DLG2: variants seen among roughly 807,000 people sequenced by gnomAD.
DLG2 encodes discs large MAGUK scaffold protein 2.
In DLG2, 45 loss-of-function variants were observed where a neutral mutation model predicts 132.5. That is an observed-to-expected ratio of 0.34 (90% CI 0.27 to 0.44). The LOEUF (loss-of-function observed/expected upper bound fraction) is 0.44, where lower values mean the gene tolerates loss of function less well. Among genes scored for constraint, DLG2 ranks in the 20% least tolerant of loss-of-function variants. DLG2 has a pLI of 1.00. For synonymous variants in DLG2, 424 were observed against 419.6 expected (o/e 1.01, Z -0.13); for missense variants, 1,045 against 1,196.9 (o/e 0.87, Z 1.87).
chr11:85,326,421 C>A (rs999116794), intron 3 of DLG2, among the ~76,000 whole-genome samples: 1 of 115,780 alleles, frequency 8.6e-6, no homozygotes, highest in Non-Finnish European at 1.8e-5. Context: ...AACAGCGGAT[C>A]TCTCGGCAGA....
intron 6 of DLG2, among the ~76,000 whole-genome samples, chr11:84,564,753 T>G (rs1260144495): frequency 1.3e-5 from 2 of 152,170 alleles, no homozygotes; most frequent in Non-Finnish European, 2.9e-5. Context: ...ATTCAGTGAT[T>G]TTCTCAAAAA....
intron 16 of DLG2, among the ~76,000 whole-genome samples, chr11:83,843,375 C>T (rs1263518165): frequency 1.3e-5 from 2 of 152,196 alleles, no homozygotes; most frequent in Admixed American, 6.5e-5. Flanking sequence ...CCCCTCTACC[C>T]TCACCTCCAG....
chr11:84,349,687 C>G (rs1452260734), intron 7 of DLG2, among the ~76,000 whole-genome samples: 1 of 152,096 alleles, frequency 6.6e-6, no homozygotes, highest in African/African-American at 2.4e-5. Context: ...TCTGAACAGT[C>G]TTAACTAACA....
chr11:84,562,749 C>CTT (rs1307584790), intron 6 of DLG2, among the ~76,000 whole-genome samples: 1 of 144,012 alleles, frequency 6.9e-6, no homozygotes, highest in African/African-American at 2.5e-5. Flanking sequence ...TTCTTTCTTT[C>CTT]TTTTTTTTTT....
intron 16 of DLG2, 139 bp from the exon 17 acceptor site, chr11:83,833,909 T>A (rs368195703): frequency 3.5e-6 from 3 of 866,676 alleles, no homozygotes. Flanking sequence ...CATTTGCACA[T>A]CAAGAAAGAG....
intron 6 of DLG2, among the ~76,000 whole-genome samples, chr11:84,659,665 T>G (rs1199333921): frequency 2.6e-5 from 4 of 152,154 alleles, no homozygotes; most frequent in Non-Finnish European, 5.9e-5. Context: ...ATTTGGATGT[T>G]GATTTTCAAT....
chr11:84,006,744 T>G (rs2094591030), intron 11 of DLG2, among the ~76,000 whole-genome samples: 1 of 151,548 alleles, frequency 6.6e-6, no homozygotes, highest in African/African-American at 2.4e-5. Flanking sequence ...CATTTATTCC[T>G]TCTCAAATTT....
At chr11:85,369,665 T>C (rs1010612699) in intron 3 of DLG2, among the ~76,000 whole-genome samples, 1 of 152,154 alleles carries the variant, frequency 6.6e-6, no homozygotes, top group Non-Finnish European at 1.5e-5. Context: ...GGGGCATAGC[T>C]GGTAAGTGCT....
At chr11:85,022,514 G>T (rs1456707325) in intron 6 of DLG2, among the ~76,000 whole-genome samples, 1 of 151,988 alleles carries the variant, frequency 6.6e-6, no homozygotes, top group East Asian at 1.9e-4. Flanking sequence ...ACATAAGGAG[G>T]ATACTATGTC....
In DLG2 at chr11:84,455,729, C is replaced by T. The variant is rs181871117; in HGVS notation, c.519+78841G>A. On this transcript the variant is annotated intron_variant, in intron 7 of 27. Coordinates refer to ENST00000376104, the MANE Select transcript of DLG2 (RefSeq NM_001142699.3). ...CATTGGGCATTTAAAAAGGCATAGC[C>T]GCTATTTGAAAATATATTCAAGGGC... Among the ~76,000 whole-genome samples, 127 of 151,368 alleles carry T rather than the reference C, an allele frequency of 8.4e-4. 1 individual carries two copies. Among genetic ancestry groups the T allele is most frequent in the African/African-American group, 2.7e-3 (111 of 41,412 alleles).
At chr11:83,862,426 T>C (rs1026961620) in intron 16 of DLG2, among the ~76,000 whole-genome samples, 3 of 152,058 alleles carry the variant, frequency 2.0e-5, no homozygotes, top group Non-Finnish European at 4.4e-5. Flanking sequence ...AATAGAATGA[T>C]GGTTACCAGA....
chr11:84,562,925 T>G (rs2099432688), intron 6 of DLG2, among the ~76,000 whole-genome samples: 1 of 152,072 alleles, frequency 6.6e-6, no homozygotes, highest in Admixed American at 6.6e-5. Flanking sequence ...GCTAATTTTT[T>G]ATTTTTCATA....
At chr11:83,547,100 C>G (rs952593577) in intron 19 of DLG2, among the ~76,000 whole-genome samples, 7 of 152,064 alleles carry the variant, frequency 4.6e-5, no homozygotes, top group Non-Finnish European at 7.4e-5. Flanking sequence ...AATCATGGAC[C>G]TTAAAAGTAT....
chr11:85,421,535 C>T (rs1489084458), intron 3 of DLG2, among the ~76,000 whole-genome samples: 2 of 151,278 alleles, frequency 1.3e-5, no homozygotes, highest in Admixed American at 6.6e-5. Context: ...ACCCGTTTAC[C>T]TTAGGTTTGT....
intron 3 of DLG2, among the ~76,000 whole-genome samples, chr11:85,501,826 T>C (rs1213255509): frequency 6.6e-6 from 1 of 152,154 alleles, no homozygotes; most frequent in East Asian, 1.9e-4. Context: ...GGTGGGAGTA[T>C]AAATTAGTTC....
chr11:84,092,010 T>A (rs1163592362), intron 10 of DLG2, among the ~76,000 whole-genome samples: 1 of 152,198 alleles, frequency 6.6e-6, no homozygotes, highest in Non-Finnish European at 1.5e-5. Context: ...AGTAAGAGAA[T>A]CTCTCTGTTT....
chr11:84,912,114 C>T (rs1239192453), intron 6 of DLG2, among the ~76,000 whole-genome samples: 1 of 152,084 alleles, frequency 6.6e-6, no homozygotes, highest in African/African-American at 2.4e-5. Context: ...ACCTTCACTG[C>T]TTCAGTTAAC....
At chr11:83,731,772 T>A (rs558805721) in intron 18 of DLG2, among the ~76,000 whole-genome samples, 23 of 152,350 alleles carry the variant, frequency 1.5e-4, no homozygotes, top group African/African-American at 5.3e-4. Context: ...AAAGCATTCC[T>A]ATTTCTCCAC....
chr11:85,484,538 G>A (rs900119453), intron 3 of DLG2, among the ~76,000 whole-genome samples: 195 of 151,090 alleles, frequency 1.3e-3, no homozygotes, highest in Middle Eastern at 3.4e-3. Context: ...AAAAGTGGGC[G>A]AAGGACATCA....
Sources: gnomAD v4.1 joint callset for allele counts (sites outside exome capture counted in the v4.1 genomes callset) on GRCh38, gnomAD v4.1.1 for gene constraint, MANE v1.5 for transcripts, NCBI Gene and HGNC (gene_info 2026-07-23, HGNC 2026-07-21) for gene names.